Variants in NBEA observed in about 807,000 individuals in gnomAD.
NBEA encodes the protein neurobeachin.
In NBEA, 44 loss-of-function variants were observed where a neutral mutation model predicts 343.4. The ratio of observed to expected loss-of-function variants is 0.13; its 90% confidence interval spans 0.10 to 0.16. The LOEUF is 0.16. Among genes scored for constraint, NBEA ranks in the 10% least tolerant of loss-of-function variants. The pLI is 1.00. For missense variants in NBEA, 2,555 were observed against 3,631.3 expected (o/e 0.70, Z 7.62); for synonymous variants, 1,175 against 1,238.7 (o/e 0.95, Z 1.08).
chr13:35,009,906 G>A (rs1472248773), intron 1 of NBEA, among the ~76,000 whole-genome samples: 1 of 152,114 alleles, frequency 6.6e-6, no homozygotes, highest in African/African-American at 2.4e-5. Context: ...TTGAATGTGG[G>A]GGCATGAGAA....
intron 39 of NBEA, among the ~76,000 whole-genome samples, chr13:35,446,861 C>A (rs1346218420): frequency 6.6e-6 from 1 of 151,676 alleles, no homozygotes; most frequent in Non-Finnish European, 1.5e-5. Context: ...AATGAAAACC[C>A]CATTGTTCCA....
At chr13:34,968,984 G>T (rs1034801929) in intron 1 of NBEA, among the ~76,000 whole-genome samples, 2 of 149,708 alleles carry the variant, frequency 1.3e-5, no homozygotes, top group Non-Finnish European at 3.0e-5. Context: ...CAGTAGGTGG[G>T]CTTGAAAACT....
At chr13:35,084,743 T>G (rs369176586) in intron 10 of NBEA, among the ~76,000 whole-genome samples, 2 of 151,824 alleles carry the variant, frequency 1.3e-5, no homozygotes, top group South Asian at 2.1e-4. Context: ...AGAGCAGAAC[T>G]AAAGGAAATA....
Position 34,989,869 on chromosome 13 carries a change from C to A in NBEA, c.294+46755C>A, listed in dbSNP as rs540319863. On this transcript the variant is annotated intron_variant, in intron 1 of 58. Transcript: ENST00000379939. Reference sequence around the variant, plus strand: ...CTCCAAGATACAATGGGGCTACAGGCATTGGGCAAATGTTCCCATTCCAAA... The same window carrying A: ...CTCCAAGATACAATGGGGCTACAGGAATTGGGCAAATGTTCCCATTCCAAA... Among the ~76,000 whole-genome samples the A allele has an allele frequency of 2.4e-4, 36 of 151,130 alleles. 1 individual carries two copies. In the South Asian group the frequency reaches 7.4e-3, roughly 31 times the overall value.
intron 38 of NBEA, among the ~76,000 whole-genome samples, chr13:35,352,827 T>G (rs2040261906): frequency 6.6e-6 from 1 of 152,160 alleles, no homozygotes; most frequent in East Asian, 1.9e-4. Flanking sequence ...ATATGATTGT[T>G]TATGATAATA....
chr13:35,298,275 T>C (rs957820810), intron 35 of NBEA, among the ~76,000 whole-genome samples: 1 of 143,884 alleles, frequency 7.0e-6, no homozygotes, highest in Non-Finnish European at 1.5e-5. Flanking sequence ...TTAATTTTAA[T>C]GTAGTCCAAA....
chr13:35,177,190 A>AACG, intron 28 of NBEA, 87 bp downstream of exon 28: 1 of 989,564 alleles, frequency 1.0e-6, no homozygotes, highest in Non-Finnish European at 1.5e-6. Flanking sequence ...TGCTTATGAA[A>AACG]ACGACATTCC....
At chr13:35,069,790 C>A (rs990515562) in intron 8 of NBEA, 118 bp from the exon 9 acceptor site, 7 of 595,978 alleles carry the variant, frequency 1.2e-5, no homozygotes, top group African/African-American at 1.2e-4. Context: ...ACTGAATAGT[C>A]CCTGACACAT....
chr13:35,349,929 C>T (rs1241161957), intron 37 of NBEA, among the ~76,000 whole-genome samples: 2 of 152,104 alleles, frequency 1.3e-5, no homozygotes, highest in Non-Finnish European at 2.9e-5. Flanking sequence ...TAGCCACTAT[C>T]GCTTTCAAAC....
intron 49 of NBEA, among the ~76,000 whole-genome samples, chr13:35,635,809 G>C (rs2083669046): frequency 6.6e-6 from 1 of 152,136 alleles, no homozygotes; most frequent in Non-Finnish European, 1.5e-5. Context: ...TTTAATTTAG[G>C]TCTATCTTAC....
At chr13:35,514,388 G>A (rs967033226) in intron 41 of NBEA, among the ~76,000 whole-genome samples, 1 of 152,088 alleles carries the variant, frequency 6.6e-6, no homozygotes, top group Non-Finnish European at 1.5e-5. Context: ...CTCTAATCCG[G>A]TATAATTAGT....
At chr13:35,123,625 GT>G in intron 17 of NBEA, 51 bp downstream of exon 17, 1 of 1,131,972 alleles carries the variant, frequency 8.8e-7, no homozygotes, top group East Asian at 2.9e-5. Flanking sequence ...TTGAGATTAT[GT>G]TTTTATGAGT....
chr13:35,422,055 A>G (rs2044306640), intron 38 of NBEA, among the ~76,000 whole-genome samples: 1 of 149,738 alleles, frequency 6.7e-6, no homozygotes, highest in Non-Finnish European at 1.5e-5. Context: ...TGTTTTTGCC[A>G]AATTTAGAAA....
At chr13:34,976,372 C>T (rs913826826) in intron 1 of NBEA, among the ~76,000 whole-genome samples, 2 of 152,162 alleles carry the variant, frequency 1.3e-5, no homozygotes, top group East Asian at 1.9e-4. Flanking sequence ...AGCTAACCTA[C>T]GAGGACACAA....
chr13:34,971,643 G>A (rs1297828406), intron 1 of NBEA, among the ~76,000 whole-genome samples: 1 of 152,028 alleles, frequency 6.6e-6, no homozygotes, highest in African/African-American at 2.4e-5. Flanking sequence ...CTGTTTATAT[G>A]ATGAGTCACA....
intron 37 of NBEA, among the ~76,000 whole-genome samples, chr13:35,349,688 T>C (rs2040077655): frequency 6.6e-6 from 1 of 152,120 alleles, no homozygotes. Flanking sequence ...CGAGAAATAT[T>C]TATGTGCCCT....
chr13:35,218,029 C>T (rs1352229242), intron 33 of NBEA, among the ~76,000 whole-genome samples: 2 of 152,086 alleles, frequency 1.3e-5, no homozygotes, highest in Admixed American at 1.3e-4. Flanking sequence ...CAGTCTCAGT[C>T]GTGTCAACTC....
intron 1 of NBEA, among the ~76,000 whole-genome samples, chr13:34,981,846 T>C (rs2060366262): frequency 6.6e-6 from 1 of 152,064 alleles, no homozygotes; most frequent in South Asian, 2.1e-4. Flanking sequence ...ATCTAAGTAG[T>C]TGAATTTGTT....
At chr13:35,386,808 C>T (rs1404951827) in intron 38 of NBEA, among the ~76,000 whole-genome samples, 1 of 151,960 alleles carries the variant, frequency 6.6e-6, no homozygotes, top group Admixed American at 6.6e-5. Flanking sequence ...TGTGGCTGCC[C>T]TAAGCTTATA....
Sources: allele counts gnomAD v4.1 joint callset (sites outside exome capture counted in the v4.1 genomes callset), GRCh38; gene constraint gnomAD v4.1.1; transcripts MANE v1.5; gene names NCBI Gene and HGNC (gene_info 2026-07-23, HGNC 2026-07-21).